NDRG4: variants seen among roughly 807,000 people sequenced by gnomAD.
NDRG4 encodes the protein protein NDRG4.
In NDRG4, 38 loss-of-function variants were observed where a neutral mutation model predicts 55.8. That is an observed-to-expected ratio of 0.68 (90% CI 0.53 to 0.89). The LOEUF (loss-of-function observed/expected upper bound fraction) is 0.89, where lower values mean the gene tolerates loss of function less well. Ranked by LOEUF, NDRG4 falls within the 40% of genes least tolerant of loss-of-function variation. The pLI, the probability that NDRG4 is intolerant of heterozygous loss-of-function variation, is 0.00. For synonymous variants in NDRG4, 190 were observed against 182.7 expected, an observed-to-expected ratio of 1.04 and a Z score of -0.32; for missense variants, 455 against 468.6, an observed-to-expected ratio of 0.97 and a Z score of 0.27.
chr16:58,472,858 G>C (rs1031288257), intron 1 of NDRG4, among the ~76,000 whole-genome samples: 1 of 152,026 alleles, frequency 6.6e-6, no homozygotes, highest in East Asian at 1.9e-4. Context: ...AAAGGCCTTC[G>C]AGACCGGGCC....
rs74999540 is a variant in NDRG4 at position 58,476,734 on chromosome 16, A to G, written c.-23-11022A>G. 9.7e-3 allele frequency among the ~76,000 whole-genome samples: 1,475 copies of G among 152,320 alleles called. 25 individuals carry two copies. Among genetic ancestry groups the G allele is most frequent in the African/African-American group, 0.034 (1,399 of 41,568 alleles). The stretch of plus-strand genomic sequence containing the variant: ...GGAATAGCACAGCATTAAAAACTCC[A>G]TGATAGAGAGATTAAGAGACATTGG... On this transcript the variant is annotated intron_variant, in intron 1 of 15. Transcript: ENST00000258187.
intron 1 of NDRG4, among the ~76,000 whole-genome samples, chr16:58,469,212 C>T (rs1040552909): frequency 6.6e-6 from 1 of 152,124 alleles, no homozygotes; most frequent in African/African-American, 2.4e-5. Flanking sequence ...TAGGTTTGCC[C>T]TAGGAGGCTG....
chr16:58,509,713 C>A (rs983561115), intron 13 of NDRG4, among the ~76,000 whole-genome samples: 8 of 152,162 alleles, frequency 5.3e-5, no homozygotes, highest in African/African-American at 1.7e-4. Flanking sequence ...GGCACACTCC[C>A]CTCACCCGCC....
At position 58,511,646 on chromosome 16, in the gene NDRG4, T is replaced by TTTAG. The variant is rs756680736; in HGVS notation, c.*73_*76dup. The TTTAG allele has an allele frequency of 6.3e-7, 1 of 1,593,008 alleles. No homozygotes were observed. Among genetic ancestry groups the TTTAG allele is most frequent in the South Asian group, 1.1e-5 (1 of 90,438 alleles). ...CATCCTTGCGCCGGCTCATGTTCCC[T>TTTAG]TTAGTTTATTTTTGTGAGGGCAAAG... On this transcript the variant is annotated 3_prime_UTR_variant, in exon 15 of 15. Coordinates refer to ENST00000570248, the MANE Select transcript of NDRG4 (RefSeq NM_001242835.2).
intron 1 of NDRG4, among the ~76,000 whole-genome samples, chr16:58,476,363 C>A (rs1039001808): frequency 2.0e-5 from 3 of 152,178 alleles, no homozygotes; most frequent in Non-Finnish European, 4.4e-5. Context: ...TCTGGCCTTG[C>A]CCTTGGTCTT....
Position 58,464,293 on chromosome 16 carries a change from G to A in NDRG4, c.-24+496G>A. On this transcript the variant is annotated intron_variant, in intron 1 of 15. Coordinates refer to the NDRG4 transcript ENST00000258187. The surrounding 1 kb of genome is among the most constrained non-coding windows in gnomAD (Gnocchi z 4.8). ...GCGTTGGGGGCGGGAGAGCGCTCCT[G>A]GCTGTGAGCTGCTCCTGCCGCTTCG... 1.5e-6 allele frequency: 1 copy of A among 647,778 alleles called. No individual in the cohort carries two copies. Among genetic ancestry groups the A allele is most frequent in the Non-Finnish European group, 2.3e-6 (1 of 441,716 alleles). 40.1% of individuals were successfully genotyped at this position (647,778 alleles called of 1,614,324 possible). A position where few individuals can be genotyped will look rare whatever the true frequency, so the allele number is the denominator to read the frequency against.
At chr16:58,483,304 C>T (rs2034689091) in intron 1 of NDRG4, among the ~76,000 whole-genome samples, 1 of 151,974 alleles carries the variant, frequency 6.6e-6, no homozygotes, top group African/African-American at 2.4e-5. Context: ...ATCACAGTTA[C>T]AGAAGCATAG....
intron 1 of NDRG4, among the ~76,000 whole-genome samples, chr16:58,478,277 T>C (rs570271618): frequency 1.1e-3 from 166 of 151,884 alleles, no homozygotes; most frequent in Non-Finnish European, 1.5e-3. Context: ...TAATCCCAGC[T>C]ACTTGGGAGG....
rs369324645 is a variant in NDRG4, at chr16:58,506,894, C to T, written c.517-18C>T. ...TGTCTGCCCCTCTGCATGCCTCCAT[C>T]CATCTCCCTGGGCCTAGGAGGAGCT... On this transcript the variant is annotated intron_variant, in intron 7 of 14. Transcript: ENST00000570248. 10 of 1,608,288 alleles carry T rather than the reference C, an allele frequency of 6.2e-6. No homozygotes were observed. The highest frequency in any genetic ancestry group is 2.6e-6 in the Non-Finnish European group (3 of 1,175,248).
At chr16:58,509,424 T>TG (rs1450750731) in intron 13 of NDRG4, 72 bp downstream of exon 13, 9 of 1,532,586 alleles carry the variant, frequency 5.9e-6, no homozygotes, top group Non-Finnish European at 8.0e-6. Flanking sequence ...TTGGGGCTCC[T>TG]GTTTGCAGGG....
At chr16:58,515,048 C>G (rs2039071099), downstream of NDRG4, among the ~76,000 whole-genome samples, 1 of 152,224 alleles carries the variant, frequency 6.6e-6, no homozygotes, top group South Asian at 2.1e-4. Flanking sequence ...CAGGAGCCCT[C>G]TAGGCCACGC....
At chr16:58,507,364 G>A in intron 8 of NDRG4, 1 of 386,162 alleles carries the variant, frequency 2.6e-6, no homozygotes, top group Non-Finnish European at 4.7e-6. Flanking sequence ...TGGTTTTCAA[G>A]CTGTGCTCCT....
rs1269788685 is a variant in NDRG4 at position 58,474,231 on chromosome 16, C to T, written c.-24+10434C>T. Among the ~76,000 whole-genome samples, 6 of 151,918 alleles carry T rather than the reference C, an allele frequency of 3.9e-5. No individual in the cohort carries two copies. In the East Asian group the frequency reaches 5.8e-4, roughly 15 times the overall value. ...CTAACTTTTGTATTTTTAGTAGAGACGGGGTTTCACCATGTTGGCCAGGCT... is the reference window on the plus strand; with the variant it reads ...CTAACTTTTGTATTTTTAGTAGAGATGGGGTTTCACCATGTTGGCCAGGCT... On this transcript the variant is annotated intron_variant, in intron 1 of 15. Transcript: ENST00000258187.
chr16:58,507,215 C>A, intron 8 of NDRG4, 200 bp downstream of exon 8: 2 of 578,640 alleles, frequency 3.5e-6, no homozygotes, highest in South Asian at 4.3e-5. Context: ...AGACTCCGGG[C>A]CTTGGGCTCT....
chr16:58,501,199 TGAC>T (rs1432818318), intron 1 of NDRG4: 6 of 562,008 alleles, frequency 1.1e-5, no homozygotes, highest in African/African-American at 2.0e-5. Context: ...CGCACGGAGG[TGAC>T]GACGTCAGCA....
intron 1 of NDRG4, among the ~76,000 whole-genome samples, chr16:58,477,679 C>G (rs899288585): frequency 9.7e-5 from 13 of 133,766 alleles, no homozygotes; most frequent in Admixed American, 4.1e-4. Flanking sequence ...TTTTCCTCAG[C>G]AGGAAAAAAA....
chr16:58,472,943 G>A (rs2033082755), intron 1 of NDRG4, among the ~76,000 whole-genome samples: 1 of 152,092 alleles, frequency 6.6e-6, no homozygotes, highest in South Asian at 2.1e-4. Flanking sequence ...CATTGGCTTT[G>A]CTGCTTTATC....
Position 58,507,941 on chromosome 16 carries a change from T to C in NDRG4, c.678-7T>C. The C allele has an allele frequency of 6.2e-7, 1 of 1,609,606 alleles. No homozygotes were observed. Among genetic ancestry groups the C allele is most frequent in the Non-Finnish European group, 8.5e-7 (1 of 1,176,684 alleles). ...AGCCAGACAGCCCTTTTCCTCTGTA[T>C]CTGCAGCTGCCCCGTGATGCTGGTG... On this transcript the variant is annotated splice_polypyrimidine_tract_variant and splice_region_variant and intron_variant, in intron 9 of 14. Coordinates refer to ENST00000570248, the MANE Select transcript of NDRG4 (RefSeq NM_001242835.2).
intron 1 of NDRG4, among the ~76,000 whole-genome samples, chr16:58,475,395 G>A (rs1257766298): frequency 6.6e-6 from 1 of 152,190 alleles, no homozygotes; most frequent in African/African-American, 2.4e-5. Context: ...GGATTATGCT[G>A]CCTGCTGGAG....
Sources: gnomAD v4.1 joint callset for allele counts (sites outside exome capture counted in the v4.1 genomes callset) on GRCh38, gnomAD v4.1.1 for gene constraint, Gnocchi (gnomAD v3.1) non-coding constraint, MANE v1.5 for transcripts, NCBI Gene and HGNC (gene_info 2026-07-23, HGNC 2026-07-21) for gene names.